ENOX2: variants seen among roughly 807,000 people sequenced by gnomAD.
The protein encoded by ENOX2 is ecto-NOX disulfide-thiol exchanger 2.
ENOX2 carries 36 observed loss-of-function variants against 45.0 expected under a neutral mutation model. The observed-to-expected ratio is 0.80, with a 90% CI of 0.61 to 1.06. The LOEUF is 1.06. Ranked by LOEUF, ENOX2 falls within the 50% of genes least tolerant of loss-of-function variation. The pLI, the probability that ENOX2 is intolerant of heterozygous loss-of-function variation, is 0.00. For missense variants in ENOX2, 423 were observed against 462.5 expected (o/e 0.91, Z 0.78); for synonymous variants, 174 against 152.3 (o/e 1.14, Z -1.05).
rs1338358628 is a variant in ENOX2 at position 130,631,547 on chromosome X, T to G, written c.1449A>C (p.Ser483=). Residue 483 remains serine, a synonymous_variant, in exon 13 of 15, where the codon TCA becomes TCC. Coordinates refer to ENST00000394363, the MANE Select transcript of ENOX2 (RefSeq NM_006375.4). ...KESCASRLCA[S]NQDSEYPLEK... ...CAAGAGGGTATTCGCTATCCTGGTT[T>G]GAGGCACACAGCCTAGAAGCACAGC... 8.3e-7 allele frequency: 1 copy of G among 1,199,042 alleles called. No homozygotes were observed. The highest frequency in any genetic ancestry group is 1.8e-5 in the South Asian group (1 of 56,704).
At chrX:130,849,285 A>G (rs1459964430) in intron 2 of ENOX2, among the ~76,000 whole-genome samples, 1 of 112,732 alleles carries the variant, frequency 8.9e-6, no homozygotes, top group Non-Finnish European at 1.9e-5. Flanking sequence ...GTAAGTTAGA[A>G]CTACCTATAT....
intron 2 of ENOX2, among the ~76,000 whole-genome samples, chrX:130,850,798 T>C (rs2078191887): frequency 8.9e-6 from 1 of 112,431 alleles, no homozygotes; most frequent in Non-Finnish European, 1.9e-5. Context: ...CAAAGGCTAT[T>C]TTCTCTGCCC....
Position 130,635,104 on chromosome X carries a change from A to T in ENOX2, c.1312-13T>A, listed in dbSNP as rs777955583. 1 of 960,982 alleles carries T rather than the reference A, an allele frequency of 1.0e-6. No individual in the cohort carries two copies. The highest frequency in any genetic ancestry group is 3.1e-5 in the East Asian group (1 of 32,338). The allele number at this position is 960,982 out of a possible 1,213,427, so 79.2% of individuals were successfully genotyped here. A position where few individuals can be genotyped will look rare whatever the true frequency, so the allele number is the denominator to read the frequency against. ...CTTTGAGTAGATGCTACAAGAAAAGACCAAAGACAATCAATTTATGAATTA... is the reference window on the plus strand; with the variant it reads ...CTTTGAGTAGATGCTACAAGAAAAGTCCAAAGACAATCAATTTATGAATTA... On this transcript the variant is annotated splice_polypyrimidine_tract_variant and intron_variant, in intron 11 of 14. Transcript: ENST00000394363.
chrX:130,752,807 ACT>A (rs1384663221), intron 3 of ENOX2, among the ~76,000 whole-genome samples: 53 of 107,426 alleles, frequency 4.9e-4, no homozygotes, highest in African/African-American at 1.5e-3. Flanking sequence ...ACTTTCACTG[ACT>A]CTCTTTCTCT....
intron 13 of ENOX2, among the ~76,000 whole-genome samples, chrX:130,630,551 G>A (rs749743108): frequency 6.3e-5 from 7 of 111,267 alleles, no homozygotes; most frequent in African/African-American, 9.8e-5. Flanking sequence ...ATCAAGATGC[G>A]CACCCAAAAA....
intron 2 of ENOX2, among the ~76,000 whole-genome samples, chrX:130,848,194 C>T (rs1051977800): frequency 5.4e-5 from 6 of 111,234 alleles, no homozygotes; most frequent in Non-Finnish European, 9.4e-5. Context: ...AAAGAGCCAT[C>T]GTTCAATTTA....
chrX:130,799,504 A>C (rs1365567254), intron 2 of ENOX2, among the ~76,000 whole-genome samples: 2 of 111,544 alleles, frequency 1.8e-5, no homozygotes, highest in Non-Finnish European at 3.8e-5. Context: ...CTACCCTATT[A>C]GTTCTGTCCC....
chrX:130,632,588 G>C (rs1042512309), intron 12 of ENOX2, among the ~76,000 whole-genome samples: 5 of 111,717 alleles, frequency 4.5e-5, no homozygotes. Context: ...AATGCTCCTT[G>C]GGGGGCAGAT....
At chrX:130,843,230 T>A (rs181467167) in intron 2 of ENOX2, among the ~76,000 whole-genome samples, 61 of 111,655 alleles carry the variant, frequency 5.5e-4, no homozygotes, top group Middle Eastern at 4.6e-3. Flanking sequence ...GCCAGAAACC[T>A]GGGAGTTATC....
chrX:130,684,657 G>C (rs1235229393), intron 5 of ENOX2, among the ~76,000 whole-genome samples: 1 of 111,917 alleles, frequency 8.9e-6, no homozygotes, highest in Non-Finnish European at 1.9e-5. Flanking sequence ...CTATATGTAA[G>C]ACACTTTTCT....
chrX:130,624,773 C>T lies in ENOX2; in HGVS notation c.*541G>A, dbSNP rs2035500516. The T allele has an allele frequency of 8.9e-6, 1 of 112,426 alleles. No individual in the cohort carries two copies. The highest frequency in any genetic ancestry group is 1.9e-5 in the Non-Finnish European group (1 of 53,359). 9.3% of individuals were successfully genotyped at this position (112,426 alleles called of 1,213,427 possible). ...CAAAAAGCCACAAACCATGCTTTGT[C>T]GTTTAAAAGGTGAACCTGGTCAGGC... On this transcript the variant is annotated 3_prime_UTR_variant, in exon 15 of 15. Transcript: ENST00000394363.
At chrX:130,662,457 T>C (rs749096561) in intron 9 of ENOX2, among the ~76,000 whole-genome samples, 1 of 111,960 alleles carries the variant, frequency 8.9e-6, no homozygotes, top group Admixed American at 9.4e-5. Context: ...AGGTTGAACG[T>C]CAGAAACTCA....
chrX:130,820,392 A>G (rs990681212), intron 2 of ENOX2, among the ~76,000 whole-genome samples: 2 of 112,164 alleles, frequency 1.8e-5, no homozygotes, highest in Non-Finnish European at 3.8e-5. Context: ...CATTATGGAA[A>G]AGAGTATGGA....
chrX:130,625,183 A>G lies in ENOX2; in HGVS notation c.*131T>C. On this transcript the variant is annotated 3_prime_UTR_variant, in exon 15 of 15. Coordinates refer to ENST00000394363, the MANE Select transcript of ENOX2 (RefSeq NM_006375.4). ...TCCTAGGATCCTTATTTTAACTCAA[A>G]AGATTTTCCAGGAATGAACTGACAA... 2 of 819,468 alleles carry G rather than the reference A, an allele frequency of 2.4e-6. No individual in the cohort carries two copies. The highest frequency in any genetic ancestry group is 3.4e-6 in the Non-Finnish European group (2 of 582,827). 67.5% of individuals were successfully genotyped at this position (819,468 alleles called of 1,213,427 possible). A position where few individuals can be genotyped will look rare whatever the true frequency, so the allele number is the denominator to read the frequency against.
intron 3 of ENOX2, among the ~76,000 whole-genome samples, chrX:130,742,442 G>A (rs1302811320): frequency 1.8e-5 from 2 of 108,916 alleles, no homozygotes; most frequent in East Asian, 2.9e-4. Flanking sequence ...CAATTTGAAG[G>A]GAGGTCTCTA....
intron 3 of ENOX2, among the ~76,000 whole-genome samples, chrX:130,729,504 T>C (rs971061384): frequency 8.9e-6 from 1 of 111,876 alleles, no homozygotes; most frequent in African/African-American, 3.2e-5. Flanking sequence ...CTTTCTACCG[T>C]GACTATTTTT....
At chrX:130,744,423 T>A (rs1190027048) in intron 3 of ENOX2, among the ~76,000 whole-genome samples, 1 of 112,349 alleles carries the variant, frequency 8.9e-6, no homozygotes, top group African/African-American at 3.2e-5. Context: ...CACATTTATT[T>A]ATTTTTAAAT....
chrX:130,894,404 T>C (rs1416163764), intron 2 of ENOX2, among the ~76,000 whole-genome samples: 2 of 106,796 alleles, frequency 1.9e-5, no homozygotes, highest in Non-Finnish European at 3.9e-5. Flanking sequence ...TCTATGATGG[T>C]ATTGTAGCTA....
intron 10 of ENOX2, among the ~76,000 whole-genome samples, chrX:130,642,071 C>G (rs1250460070): frequency 8.9e-6 from 1 of 112,085 alleles, no homozygotes; most frequent in Non-Finnish European, 1.9e-5. Context: ...GCTATAGTTG[C>G]CATAGATAGT....
Sources: gnomAD v4.1 joint callset for allele counts (sites outside exome capture counted in the v4.1 genomes callset) on GRCh38, gnomAD v4.1.1 for gene constraint, MANE v1.5 for transcripts, NCBI Gene and HGNC (gene_info 2026-07-23, HGNC 2026-07-21) for gene names.